KCNQ3: variants seen among roughly 807,000 people sequenced by gnomAD.
The protein encoded by KCNQ3 is potassium voltage-gated channel subfamily Q member 3, also known as potassium voltage-gated channel subfamily KQT member 3.
A neutral mutation model predicts 92.5 loss-of-function variants in KCNQ3; 30 were observed. The observed-to-expected ratio is 0.32, with a 90% CI of 0.24 to 0.44. The LOEUF (loss-of-function observed/expected upper bound fraction) is 0.44, where lower values mean the gene tolerates loss of function less well. Ranked by LOEUF, KCNQ3 falls within the 20% of genes least tolerant of loss-of-function variation. The pLI is 1.00. For synonymous variants in KCNQ3, 450 were observed against 468.8 expected (o/e 0.96, Z 0.52); for missense variants, 913 against 1,140.3 (o/e 0.80, Z 2.87).
chr8:132,472,426 C>T lies in KCNQ3; in HGVS notation c.386+7721G>A, dbSNP rs139274216. On this transcript the variant is annotated intron_variant, in intron 1 of 14. Coordinates refer to ENST00000388996, the MANE Select transcript of KCNQ3 (RefSeq NM_004519.4). ...ATGTACACAATGGAATACTAGTCAG[C>T]CATGAGAAAATGAAATCATGTCATT... is the stretch of plus-strand genomic sequence containing the variant. Among the ~76,000 whole-genome samples the T allele has an allele frequency of 5.2e-3, 797 of 152,194 alleles. 13 individuals carry two copies. Among genetic ancestry groups the T allele is most frequent in the African/African-American group, 0.018 (759 of 41,524 alleles).
chr8:132,437,152 A>C (rs547430047), intron 1 of KCNQ3, among the ~76,000 whole-genome samples: 16 of 151,506 alleles, frequency 1.1e-4, no homozygotes, highest in African/African-American at 3.9e-4. Context: ...GGTGGCGGGC[A>C]CCTGTAGTCC....
chr8:132,463,310 C>T (rs1037993095), intron 1 of KCNQ3, among the ~76,000 whole-genome samples: 5 of 151,934 alleles, frequency 3.3e-5, no homozygotes, highest in Admixed American at 3.3e-4. Context: ...GAAGAAAGAA[C>T]CCAGGCATAA....
At position 132,272,773 on chromosome 8, in the gene KCNQ3, T is replaced by G. The variant is rs543028355; in HGVS notation, c.387-86592A>C. ...TCCACTGGGTCCCTCCCATGACATG[T>G]GGGAATTGTGGGAGTTAAAATTCAA... On this transcript the variant is annotated intron_variant, in intron 1 of 14. Transcript: ENST00000388996. Among the ~76,000 whole-genome samples, 8 of 152,284 alleles carry G rather than the reference T, an allele frequency of 5.3e-5. No homozygotes were observed. The South Asian group carries it at 1.2e-3, about 24-fold the overall frequency.
chr8:132,424,205 G>A (rs1041035489), intron 1 of KCNQ3, among the ~76,000 whole-genome samples: 44 of 151,600 alleles, frequency 2.9e-4, no homozygotes, highest in African/African-American at 9.2e-4. Flanking sequence ...TCTGAGGGGC[G>A]CAGACACACA....
At chr8:132,450,379 T>C (rs961453823) in intron 1 of KCNQ3, among the ~76,000 whole-genome samples, 2 of 152,144 alleles carry the variant, frequency 1.3e-5, no homozygotes, top group African/African-American at 2.4e-5. Flanking sequence ...AGAGCGCTGA[T>C]TGGTGCATTT....
intron 1 of KCNQ3, among the ~76,000 whole-genome samples, chr8:132,413,604 GAATA>G (rs1383081274): frequency 1.3e-5 from 2 of 152,190 alleles, no homozygotes; most frequent in African/African-American, 2.4e-5. Flanking sequence ...ATTGTGAAAT[GAATA>G]AATAAATGGA....
rs972697490 is a variant in KCNQ3 at position 132,480,317 on chromosome 8, G to A, written c.216C>T (p.Gly72=). ...DKDGTLLLEG[G]GRDEGQRRTP... ...TCCTCCGCTGCCCCTCGTCGCGGCCGCCGCCCTCCAGCAGCAGGGTCCCGT... is the reference window on the plus strand; with the variant it reads ...TCCTCCGCTGCCCCTCGTCGCGGCCACCGCCCTCCAGCAGCAGGGTCCCGT... The change falls in exon 1 of 15, where the codon GGC becomes GGT. Residue 72 remains glycine, a synonymous_variant. Coordinates refer to ENST00000388996, the MANE Select transcript of KCNQ3 (RefSeq NM_004519.4). 1 of 1,601,220 alleles carries A rather than the reference G, an allele frequency of 6.2e-7. No individual in the cohort carries two copies.
At chr8:132,258,847 A>G (rs1342276161) in intron 1 of KCNQ3, among the ~76,000 whole-genome samples, 1 of 152,076 alleles carries the variant, frequency 6.6e-6, no homozygotes, top group Non-Finnish European at 1.5e-5. Context: ...AAAGAAATAA[A>G]GAGAATTATA....
chr8:132,361,088 G>T (rs1819154830), intron 1 of KCNQ3, among the ~76,000 whole-genome samples: 1 of 152,148 alleles, frequency 6.6e-6, no homozygotes, highest in Non-Finnish European at 1.5e-5. Flanking sequence ...CCAAATTCCA[G>T]CTTGTTTTAC....
intron 1 of KCNQ3, among the ~76,000 whole-genome samples, chr8:132,210,056 C>G (rs545822576): frequency 6.6e-6 from 1 of 152,286 alleles, no homozygotes; most frequent in South Asian, 2.1e-4. Context: ...TCACAATGTC[C>G]TGGAACCCCA....
intron 1 of KCNQ3, among the ~76,000 whole-genome samples, chr8:132,246,340 T>C (rs1815178401): frequency 6.6e-6 from 1 of 152,208 alleles, no homozygotes; most frequent in African/African-American, 2.4e-5. Context: ...GGGGGAACAA[T>C]GCCCAAAGCA....
intron 1 of KCNQ3, among the ~76,000 whole-genome samples, chr8:132,410,200 CTTATT>C (rs1456761007): frequency 6.6e-6 from 1 of 152,126 alleles, no homozygotes; most frequent in African/African-American, 2.4e-5. Flanking sequence ...TATAATGAGC[CTTATT>C]TTAAAGTGAG....
chr8:132,354,005 G>C (rs989713186), intron 1 of KCNQ3, among the ~76,000 whole-genome samples: 2 of 152,152 alleles, frequency 1.3e-5, no homozygotes, highest in African/African-American at 4.8e-5. Flanking sequence ...CCTGAGCCAG[G>C]TACTGTGGGG....
chr8:132,331,511 A>C (rs1182722145), intron 1 of KCNQ3, among the ~76,000 whole-genome samples: 1 of 152,136 alleles, frequency 6.6e-6, no homozygotes, highest in African/African-American at 2.4e-5. Context: ...TAGCAAACAG[A>C]CTAGGGAAAG....
At chr8:132,404,048 C>A (rs1468876787) in intron 1 of KCNQ3, among the ~76,000 whole-genome samples, 2 of 152,192 alleles carry the variant, frequency 1.3e-5, no homozygotes, top group Non-Finnish European at 2.9e-5. Flanking sequence ...ACAGACCAGC[C>A]CTTGCCTGGA....
intron 1 of KCNQ3, among the ~76,000 whole-genome samples, chr8:132,278,855 C>A (rs1816421784): frequency 6.6e-6 from 1 of 152,102 alleles, no homozygotes; most frequent in Non-Finnish European, 1.5e-5. Flanking sequence ...TTCCAGCCTC[C>A]CCAAAAGCTA....
At chr8:132,446,110 C>T (rs145721367) in intron 1 of KCNQ3, among the ~76,000 whole-genome samples, 18 of 152,200 alleles carry the variant, frequency 1.2e-4, no homozygotes, top group African/African-American at 4.3e-4. Context: ...AAGGGATAAG[C>T]TGGGTTACTG....
At chr8:132,181,655 A>G (rs1001446257) in intron 3 of KCNQ3, among the ~76,000 whole-genome samples, 8 of 152,204 alleles carry the variant, frequency 5.3e-5, no homozygotes, top group African/African-American at 1.7e-4. Context: ...GGAATCTGCC[A>G]GAAGCCTGTG....
Position 132,321,880 on chromosome 8 carries a change from G to T in KCNQ3, c.387-135699C>A, listed in dbSNP as rs113116833. ...CAGGGCCCACCTCCCCACCTGTACTGGCCGGGCCCTGGGCAGAGTCTCTTC... is the reference window on the plus strand; with the variant it reads ...CAGGGCCCACCTCCCCACCTGTACTTGCCGGGCCCTGGGCAGAGTCTCTTC... On this transcript the variant is annotated intron_variant, in intron 1 of 14. Transcript: ENST00000388996. Among the ~76,000 whole-genome samples the T allele has an allele frequency of 5.0e-3, 765 of 152,228 alleles. 2 individuals carry two copies. The highest frequency in any genetic ancestry group is 0.017 in the African/African-American group (721 of 41,530).
Sources: allele counts gnomAD v4.1 joint callset (sites outside exome capture counted in the v4.1 genomes callset), GRCh38; gene constraint gnomAD v4.1.1; transcripts MANE v1.5; gene names NCBI Gene and HGNC (gene_info 2026-07-23, HGNC 2026-07-21).